The following BRINP1 variants were observed in gnomAD, a reference collection of about 807,000 sequenced individuals.
BRINP1 encodes BMP/retinoic acid-inducible neural-specific protein 1.
BRINP1 carries 17 observed loss-of-function variants against 72.9 expected under a neutral mutation model. The observed-to-expected ratio is 0.23, with a 90% CI of 0.16 to 0.35. The LOEUF is 0.35. Ranked by LOEUF, BRINP1 falls within the 10% of genes least tolerant of loss-of-function variation. The probability of loss-of-function intolerance (pLI) is 1.00; values close to 1 mark genes in which losing one functional copy is unlikely to be tolerated. For synonymous variants in BRINP1, 418 were observed against 378.5 expected (o/e 1.10, Z -1.21); for missense variants, 850 against 1,001.6 (o/e 0.85, Z 2.04).
Position 119,233,684 on chromosome 9 carries a change from G to A in BRINP1, c.685+4971C>T, listed in dbSNP as rs149956573. Among the ~76,000 whole-genome samples the A allele has an allele frequency of 2.0e-5, 3 of 152,300 alleles. No individual in the cohort carries two copies. In the East Asian group the frequency reaches 5.8e-4, roughly 29 times the overall value. ...AAATGCATACATACAAATAAAGCAT[G>A]TGCAGCTTTTTGAATTTTCACAAAG... On this transcript the variant is annotated intron_variant, in intron 5 of 7. Transcript: ENST00000265922.
intron 7 of BRINP1, among the ~76,000 whole-genome samples, chr9:119,175,592 C>T (rs1386420055): frequency 3.3e-5 from 5 of 152,110 alleles, no homozygotes; most frequent in African/African-American, 4.8e-5. Context: ...ATTTCTATTG[C>T]AGCCTCTGGG....
At position 119,317,758 on chromosome 9, in the gene BRINP1, C is replaced by A. The variant is rs560403113; in HGVS notation, c.-50-4353G>T. On this transcript the variant is annotated intron_variant, in intron 1 of 7. Transcript: ENST00000265922. ...GCCACTGCCACCCAGTCTTCAGCAA[C>A]CTGACCACCCTGATCAGTCAGAAGC... Among the ~76,000 whole-genome samples, 6 of 152,324 alleles carry A rather than the reference C, an allele frequency of 3.9e-5. No individual in the cohort carries two copies. In the South Asian group the frequency reaches 1.2e-3, roughly 32 times the overall value.
chr9:119,232,634 TA>T (rs1446746940), intron 5 of BRINP1, among the ~76,000 whole-genome samples: 3 of 152,176 alleles, frequency 2.0e-5, no homozygotes, highest in South Asian at 2.1e-4. Flanking sequence ...TATCTGGCTT[TA>T]AAAACATACC....
intron 1 of BRINP1, among the ~76,000 whole-genome samples, chr9:119,367,949 G>T (rs938212754): frequency 5.9e-5 from 9 of 152,164 alleles, no homozygotes; most frequent in Non-Finnish European, 8.8e-5. Flanking sequence ...CTCTCTGGGG[G>T]CTTCCCCGCC....
At position 119,211,810 on chromosome 9, in the gene BRINP1, G is replaced by T. The variant is rs182148035; in HGVS notation, c.922+2109C>A. Among the ~76,000 whole-genome samples, 446 of 152,314 alleles carry T rather than the reference G, an allele frequency of 2.9e-3. 3 individuals carry two copies. Among genetic ancestry groups the T allele is most frequent in the African/African-American group, 0.01 (424 of 41,566 alleles). On this transcript the variant is annotated intron_variant, in intron 6 of 7. Transcript: ENST00000265922. Reference sequence around the variant, plus strand: ...GAAGCACAGGAGATCTAGAGGGAGTGTATGCCTTTTGGGGAGAAAGTGTGA... The same window carrying T: ...GAAGCACAGGAGATCTAGAGGGAGTTTATGCCTTTTGGGGAGAAAGTGTGA...
At chr9:119,174,402 C>CA (rs1381757380) in intron 7 of BRINP1, among the ~76,000 whole-genome samples, 1 of 150,036 alleles carries the variant, frequency 6.7e-6, no homozygotes, top group African/African-American at 2.5e-5. Flanking sequence ...AAATGCAAAT[C>CA]AAAACCACAA....
chr9:119,302,487 T>TG lies in BRINP1; in HGVS notation c.218+10650dup, dbSNP rs200306243. ...TATTAAATAGTGTTATTGGTATTTT[T>TG]GGGGGGGCCTATGGGAATCATAAAA... On this transcript the variant is annotated intron_variant, in intron 2 of 7. Coordinates refer to ENST00000265922, the MANE Select transcript of BRINP1 (RefSeq NM_014618.3). Among the ~76,000 whole-genome samples the TG allele has an allele frequency of 5.5e-4, 83 of 152,142 alleles. 2 individuals carry two copies. In the South Asian group the frequency reaches 0.015, roughly 27 times the overall value.
At chr9:119,224,888 C>T (rs375245041) in intron 5 of BRINP1, among the ~76,000 whole-genome samples, 4 of 152,102 alleles carry the variant, frequency 2.6e-5, no homozygotes, top group African/African-American at 7.2e-5. Context: ...CTGCCAGTCA[C>T]ATGGAAATGC....
chr9:119,307,310 A>C (rs931605002), intron 2 of BRINP1, among the ~76,000 whole-genome samples: 1 of 152,150 alleles, frequency 6.6e-6, no homozygotes, highest in African/African-American at 2.4e-5. Flanking sequence ...ACCTGGAGAA[A>C]GATCCAAGCA....
chr9:119,241,401 C>T (rs1035168108), intron 4 of BRINP1, among the ~76,000 whole-genome samples: 3 of 152,164 alleles, frequency 2.0e-5, no homozygotes, highest in Non-Finnish European at 4.4e-5. Flanking sequence ...TCTATGGCTG[C>T]TTTTATGCTA....
At chr9:119,188,195 A>G (rs1829644939) in intron 7 of BRINP1, among the ~76,000 whole-genome samples, 1 of 152,168 alleles carries the variant, frequency 6.6e-6, no homozygotes, top group South Asian at 2.1e-4. Flanking sequence ...AGAGACATGA[A>G]CATCCAGATT....
intron 1 of BRINP1, among the ~76,000 whole-genome samples, chr9:119,315,816 T>C (rs773375301): frequency 6.6e-6 from 1 of 152,170 alleles, no homozygotes; most frequent in Non-Finnish European, 1.5e-5. Flanking sequence ...GGGTAGCAGG[T>C]CAAAACAGTC....
chr9:119,286,585 G>A (rs1830763392), intron 2 of BRINP1, among the ~76,000 whole-genome samples: 1 of 152,180 alleles, frequency 6.6e-6, no homozygotes, highest in Non-Finnish European at 1.5e-5. Context: ...TGTCTACTGG[G>A]TAGTGCAAAA....
rs1233684614 is a variant in BRINP1, at chr9:119,208,855, C to G, written c.1009G>C (p.Asp337His). The change falls in exon 7 of 8, where the codon GAC (aspartate) becomes CAC (histidine). Residue 337 changes from aspartate to histidine, a missense_variant. Transcript: ENST00000265922. ...SIHQHWGNDW[D>H]LQNRYKLLQS... The stretch of plus-strand genomic sequence containing the variant: ...AGGAGCTTGTAGCGGTTCTGCAGGT[C>G]CCAGTCATTGCCCCAGTGCTGATGG... The G allele has an allele frequency of 2.5e-6, 4 of 1,614,100 alleles. No individual in the cohort carries two copies. In the African/African-American group the frequency reaches 4.0e-5, roughly 16 times the overall value.
intron 1 of BRINP1, among the ~76,000 whole-genome samples, chr9:119,319,243 T>G (rs1378445823): frequency 6.6e-6 from 1 of 152,120 alleles, no homozygotes; most frequent in Admixed American, 6.5e-5. Flanking sequence ...CACATTGTCT[T>G]GGCCAGGCAC....
chr9:119,366,948 C>A (rs1564259635), intron 1 of BRINP1, among the ~76,000 whole-genome samples: 2 of 151,810 alleles, frequency 1.3e-5, no homozygotes, highest in African/African-American at 2.4e-5. Flanking sequence ...GAAAATGAGG[C>A]AGTTCCCAAA....
chr9:119,207,258 C>T (rs981477555), intron 7 of BRINP1, among the ~76,000 whole-genome samples: 1 of 152,172 alleles, frequency 6.6e-6, no homozygotes, highest in Non-Finnish European at 1.5e-5. Context: ...GGTGGATGGA[C>T]TGTGGTAGAA....
intron 1 of BRINP1, among the ~76,000 whole-genome samples, chr9:119,333,666 C>T (rs935578935): frequency 3.9e-5 from 6 of 152,008 alleles, no homozygotes; most frequent in African/African-American, 1.4e-4. Context: ...TTGTCCTAAA[C>T]GAGGGGACAC....
At chr9:119,322,677 T>C (rs1368209760) in intron 1 of BRINP1, among the ~76,000 whole-genome samples, 2 of 152,130 alleles carry the variant, frequency 1.3e-5, no homozygotes. Flanking sequence ...TAACCCACAA[T>C]ACTTGCCTCT....
Sources: gnomAD v4.1 joint callset for allele counts (sites outside exome capture counted in the v4.1 genomes callset) on GRCh38, gnomAD v4.1.1 for gene constraint, MANE v1.5 for transcripts, NCBI Gene and HGNC (gene_info 2026-07-23, HGNC 2026-07-21) for gene names.